ASB3: variants seen among roughly 807,000 people sequenced by gnomAD.
ASB3 encodes the protein ankyrin repeat and SOCS box protein 3.
In ASB3, 41 loss-of-function variants were observed where a neutral mutation model predicts 54.5. That is an observed-to-expected ratio of 0.75 (90% CI 0.59 to 0.98). The LOEUF is 0.98. Ranked by LOEUF, ASB3 falls within the 50% of genes least tolerant of loss-of-function variation. ASB3 has a pLI of 0.00. For missense variants in ASB3, 733 were observed against 620.0 expected, an observed-to-expected ratio of 1.18 and a Z score of -1.94; for synonymous variants, 266 against 221.2, an observed-to-expected ratio of 1.20 and a Z score of -1.80.
intron 1 of ASB3, among the ~76,000 whole-genome samples, chr2:53,782,499 A>G (rs192874651): frequency 6.6e-6 from 1 of 152,338 alleles, no homozygotes; most frequent in East Asian, 1.9e-4. Flanking sequence ...TATTTATATG[A>G]AACAGCAAGC....
rs187803711 is a variant in ASB3 at position 53,696,812 on chromosome 2, G to C, written c.1239-2798C>G. On this transcript the variant is annotated intron_variant, in intron 8 of 9. Coordinates refer to ENST00000263634, the MANE Select transcript of ASB3 (RefSeq NM_016115.5). Reference sequence around the variant, plus strand: ...GGCATTAGGTATTATAAGTAATCTAGAGATGACAAAGTATATGGGAGGAAG... The same window carrying C: ...GGCATTAGGTATTATAAGTAATCTACAGATGACAAAGTATATGGGAGGAAG... 7.9e-5 allele frequency among the ~76,000 whole-genome samples: 12 copies of C among 152,282 alleles called. 1 individual carries two copies. The highest frequency in any genetic ancestry group is 2.4e-4 in the African/African-American group (10 of 41,562).
At chr2:53,744,102 C>T (rs978380188) in intron 3 of ASB3, among the ~76,000 whole-genome samples, 3 of 148,880 alleles carry the variant, frequency 2.0e-5, no homozygotes, top group Non-Finnish European at 3.0e-5. Context: ...GGTGGCTGGG[C>T]GCAGTGGCTC....
At chr2:53,732,330 C>A (rs1671366094) in intron 3 of ASB3, among the ~76,000 whole-genome samples, 1 of 151,626 alleles carries the variant, frequency 6.6e-6, no homozygotes, top group Non-Finnish European at 1.5e-5. Context: ...ATGAAATTAC[C>A]ATATTAAAAA....
intron 2 of ASB3, among the ~76,000 whole-genome samples, chr2:53,763,937 A>G (rs550739722): frequency 6.6e-6 from 1 of 152,312 alleles, no homozygotes; most frequent in Non-Finnish European, 1.5e-5. Context: ...ACACTTGAAC[A>G]TGTGATTTTA....
At chr2:53,704,432 T>C (rs981607342) in intron 7 of ASB3, among the ~76,000 whole-genome samples, 3 of 152,158 alleles carry the variant, frequency 2.0e-5, no homozygotes, top group African/African-American at 7.2e-5. Context: ...TCAATTGTCC[T>C]TGCTTTATAA....
intron 5 of ASB3, among the ~76,000 whole-genome samples, chr2:53,724,859 A>G (rs1670905850): frequency 6.6e-6 from 1 of 152,220 alleles, no homozygotes; most frequent in South Asian, 2.1e-4. Flanking sequence ...GTTCAGCCAC[A>G]GTGGAAAGCA....
At chr2:53,752,071 T>C (rs1174754087) in intron 2 of ASB3, among the ~76,000 whole-genome samples, 1 of 152,174 alleles carries the variant, frequency 6.6e-6, no homozygotes, top group South Asian at 2.1e-4. Flanking sequence ...CAAAGACATA[T>C]ATAGATAATA....
chr2:53,780,130 A>G (rs1427607025), intron 1 of ASB3, among the ~76,000 whole-genome samples: 2 of 152,222 alleles, frequency 1.3e-5, no homozygotes, highest in African/African-American at 4.8e-5. Context: ...TACTTACCTA[A>G]AATATGAAAC....
intron 9 of ASB3, among the ~76,000 whole-genome samples, chr2:53,679,812 T>C (rs1668269596): frequency 6.6e-6 from 1 of 152,164 alleles, no homozygotes; most frequent in African/African-American, 2.4e-5. Context: ...ACTTGTTTCA[T>C]GGGGGCTTGT....
intron 1 of ASB3, chr2:53,768,127 G>A: frequency 1.5e-6 from 2 of 1,309,364 alleles, no homozygotes; most frequent in East Asian, 2.4e-5. Flanking sequence ...CGCTTCATGG[G>A]GCCAAAGCAC....
intron 7 of ASB3, among the ~76,000 whole-genome samples, chr2:53,713,160 A>C (rs1319800829): frequency 6.6e-6 from 1 of 152,208 alleles, no homozygotes; most frequent in East Asian, 1.9e-4. Flanking sequence ...GTGAAACCCT[A>C]TCTCTACTAA....
Position 53,755,980 on chromosome 2 carries a change from C to A in ASB3, c.197-5039G>T, listed in dbSNP as rs376652391. Among the ~76,000 whole-genome samples, 14 of 150,812 alleles carry A rather than the reference C, an allele frequency of 9.3e-5. 1 individual carries two copies. The highest frequency in any genetic ancestry group is 2.9e-4 in the African/African-American group (12 of 41,182). ...CCAACCTGGACAAAATAGTAAGACCCCCCCCCCACCTCTACAAAATATAGA... is the reference window on the plus strand; with the variant it reads ...CCAACCTGGACAAAATAGTAAGACCACCCCCCCACCTCTACAAAATATAGA... On this transcript the variant is annotated intron_variant, in intron 2 of 9. Coordinates refer to ENST00000263634, the MANE Select transcript of ASB3 (RefSeq NM_016115.5).
chr2:53,712,848 T>A (rs552523189), intron 7 of ASB3, among the ~76,000 whole-genome samples: 1 of 152,126 alleles, frequency 6.6e-6, no homozygotes, highest in African/African-American at 2.4e-5. Flanking sequence ...GACTTAAGAT[T>A]TGGGATAGAG....
At chr2:53,766,500 T>A (rs910641595) in intron 1 of ASB3, among the ~76,000 whole-genome samples, 3 of 152,224 alleles carry the variant, frequency 2.0e-5, no homozygotes, top group Admixed American at 2.0e-4. Flanking sequence ...AGGGAACTTG[T>A]TCTAGGATGA....
At chr2:53,759,488 C>T (rs1304119196) in intron 2 of ASB3, among the ~76,000 whole-genome samples, 1 of 152,100 alleles carries the variant, frequency 6.6e-6, no homozygotes, top group Admixed American at 6.6e-5. Context: ...CCGCCTTAGG[C>T]CCGGAGCAAA....
intron 1 of ASB3, chr2:53,768,016 G>A (rs1205104711): frequency 1.2e-6 from 2 of 1,613,240 alleles, no homozygotes; most frequent in Non-Finnish European, 8.5e-7. Flanking sequence ...CGGGGTCCCC[G>A]GCAAGGTGAG....
chr2:53,778,447 A>AC (rs1674473438), intron 1 of ASB3, among the ~76,000 whole-genome samples: 1 of 152,328 alleles, frequency 6.6e-6, no homozygotes, highest in East Asian at 1.9e-4. Context: ...CTTAGCAAGT[A>AC]TAAAGTACAT....
At position 53,746,485 on chromosome 2, in the gene ASB3, C is replaced by CT. The variant is rs371241627; in HGVS notation, c.355+4297dup. On this transcript the variant is annotated intron_variant, in intron 3 of 9. Coordinates refer to ENST00000263634, the MANE Select transcript of ASB3 (RefSeq NM_016115.5). The stretch of plus-strand genomic sequence containing the variant: ...CACACTGTTTTTTGGGGGGTTTTTT[C>CT]TTTTTTTTTTTTTTGAGACAGAGTT... Among the ~76,000 whole-genome samples the CT allele has an allele frequency of 2.0e-3, 282 of 139,018 alleles. 1 individual carries two copies. Among genetic ancestry groups the CT allele is most frequent in the East Asian group, 8.5e-3 (41 of 4,830 alleles). The allele number at this position is 139,018 out of a possible 152,430, so 91.2% of individuals were successfully genotyped here.
intron 9 of ASB3, among the ~76,000 whole-genome samples, chr2:53,680,539 T>C (rs889462499): frequency 4.6e-5 from 7 of 152,264 alleles, no homozygotes; most frequent in Non-Finnish European, 8.8e-5. Flanking sequence ...GATGTGTGTC[T>C]TCTTTTTAAA....
Sources: gnomAD v4.1 joint callset for allele counts (sites outside exome capture counted in the v4.1 genomes callset) on GRCh38, gnomAD v4.1.1 for gene constraint, MANE v1.5 for transcripts, NCBI Gene and HGNC (gene_info 2026-07-23, HGNC 2026-07-21) for gene names.